MLLT10: variants seen among roughly 807,000 people sequenced by gnomAD.
The protein encoded by MLLT10 is protein AF-10.
In MLLT10, 30 loss-of-function variants were observed where a neutral mutation model predicts 129.1. The ratio of observed to expected loss-of-function variants is 0.23; its 90% CI spans 0.17 to 0.32. The LOEUF is 0.32. MLLT10 is among the 10% of genes least tolerant of loss of function. The probability of loss-of-function intolerance (pLI) is 1.00; values close to 1 mark genes in which losing one functional copy is unlikely to be tolerated. For synonymous variants in MLLT10, 490 were observed against 446.4 expected, an observed-to-expected ratio of 1.10 and a Z score of -1.23; for missense variants, 1,119 against 1,268.3, an observed-to-expected ratio of 0.88 and a Z score of 1.79.
intron 13 of MLLT10, among the ~76,000 whole-genome samples, chr10:21,709,446 G>A (rs2055860925): frequency 6.6e-6 from 1 of 152,136 alleles, no homozygotes; most frequent in South Asian, 2.1e-4. Context: ...GGCCAGGCTG[G>A]TCTCAAACTC....
chr10:21,638,021 C>G (rs1273087799), intron 8 of MLLT10, among the ~76,000 whole-genome samples: 1 of 151,936 alleles, frequency 6.6e-6, no homozygotes, highest in African/African-American at 2.4e-5. Context: ...GAATCCTATG[C>G]TGTTTCTGTT....
At chr10:21,593,662 C>A (rs1193298435) in intron 4 of MLLT10, among the ~76,000 whole-genome samples, 1 of 151,822 alleles carries the variant, frequency 6.6e-6, no homozygotes, top group East Asian at 1.9e-4. Context: ...TGTGGTAGCT[C>A]ATGTCTGTAT....
chr10:21,589,717 C>G (rs1416101291), intron 4 of MLLT10, among the ~76,000 whole-genome samples: 3 of 151,932 alleles, frequency 2.0e-5, no homozygotes, highest in Non-Finnish European at 4.4e-5. Flanking sequence ...GTGGTTTTGT[C>G]AGGTGTTTGT....
chr10:21,584,899 T>G (rs2041855964), intron 3 of MLLT10, among the ~76,000 whole-genome samples: 1 of 151,712 alleles, frequency 6.6e-6, no homozygotes, highest in Admixed American at 6.6e-5. Context: ...TATATATGTA[T>G]ATGTATATAT....
intron 5 of MLLT10, among the ~76,000 whole-genome samples, chr10:21,601,708 G>A (rs2043549444): frequency 6.6e-6 from 1 of 152,028 alleles, no homozygotes; most frequent in Admixed American, 6.6e-5. Context: ...AAAAATATTG[G>A]TAGAATTGGT....
At chr10:21,579,249 C>G (rs1185141398) in intron 3 of MLLT10, among the ~76,000 whole-genome samples, 1 of 152,130 alleles carries the variant, frequency 6.6e-6, no homozygotes, top group Non-Finnish European at 1.5e-5. Flanking sequence ...TCCCTCTGCC[C>G]TCTGTGTAAT....
Position 21,613,020 on chromosome 10 carries a change from C to T in MLLT10, c.509+569C>T, listed in dbSNP as rs140011637. 5.5e-3 allele frequency among the ~76,000 whole-genome samples: 842 copies of T among 151,916 alleles called. 5 individuals are homozygous for T. The highest frequency in any genetic ancestry group is 0.019 in the African/African-American group (785 of 41,436). On this transcript the variant is annotated intron_variant, in intron 6 of 22. Coordinates refer to ENST00000307729, the MANE Select transcript of MLLT10 (RefSeq NM_001195626.3). ...ACCAGCCTGGCCAACATGGCAAAAC[C>T]GTGTCTCTACTAAAAACACAAAAAT...
chr10:21,539,227 A>G (rs1437718610), intron 3 of MLLT10, among the ~76,000 whole-genome samples: 1 of 152,202 alleles, frequency 6.6e-6, no homozygotes, highest in African/African-American at 2.4e-5. Context: ...TAGTTAAAAT[A>G]TAATGGAAAT....
At chr10:21,615,470 A>AAAAAT (rs1564513112) in intron 7 of MLLT10, among the ~76,000 whole-genome samples, 1 of 133,742 alleles carries the variant, frequency 7.5e-6, no homozygotes, top group Non-Finnish European at 1.8e-5. Flanking sequence ...AAAAAAAAAA[A>AAAAAT]AAAAGAAAAA....
intron 3 of MLLT10, among the ~76,000 whole-genome samples, chr10:21,540,680 T>C (rs1306569585): frequency 2.0e-5 from 3 of 152,242 alleles, no homozygotes; most frequent in Non-Finnish European, 4.4e-5. Context: ...TGATAGTTCC[T>C]TTTTAAAATC....
At chr10:21,640,286 ATATATAT>A (rs1373381714) in intron 8 of MLLT10, among the ~76,000 whole-genome samples, 108 of 143,700 alleles carry the variant, frequency 7.5e-4, no homozygotes, top group Admixed American at 1.9e-3. Context: ...ATTATATATA[ATATATAT>A]TATATAATAT....
At chr10:21,712,451 T>C (rs1292382793) in intron 13 of MLLT10, among the ~76,000 whole-genome samples, 2 of 152,222 alleles carry the variant, frequency 1.3e-5, no homozygotes, top group African/African-American at 4.8e-5. Flanking sequence ...TGGAACAAAG[T>C]AAATTGTATG....
intron 7 of MLLT10, among the ~76,000 whole-genome samples, chr10:21,615,503 T>G (rs999589991): frequency 2.7e-5 from 4 of 150,886 alleles, no homozygotes; most frequent in African/African-American, 9.7e-5. Flanking sequence ...ATATAAATAT[T>G]GATAGTGAAT....
chr10:21,650,935 T>C (rs1412214580), intron 8 of MLLT10, among the ~76,000 whole-genome samples: 1 of 152,160 alleles, frequency 6.6e-6, no homozygotes, highest in Non-Finnish European at 1.5e-5. Flanking sequence ...TCTGGAGAAA[T>C]TCTCATGCAT....
chr10:21,556,574 C>A, intron 3 of MLLT10: 1 of 1,258,000 alleles, frequency 7.9e-7, no homozygotes, highest in Non-Finnish European at 1.1e-6. Flanking sequence ...TTGCAGTTTT[C>A]TAGGGCAGGT....
At chr10:21,563,203 T>C (rs909691990) in intron 3 of MLLT10, among the ~76,000 whole-genome samples, 2 of 152,224 alleles carry the variant, frequency 1.3e-5, no homozygotes, top group African/African-American at 4.8e-5. Flanking sequence ...ACCTCAAGGA[T>C]GTTATATAAA....
At chr10:21,693,151 T>C (rs2054036890) in intron 13 of MLLT10, among the ~76,000 whole-genome samples, 1 of 152,188 alleles carries the variant, frequency 6.6e-6, no homozygotes, top group South Asian at 2.1e-4. Flanking sequence ...TTTTATACTT[T>C]ATTTGAGCTT....
intron 9 of MLLT10, among the ~76,000 whole-genome samples, chr10:21,658,941 C>T (rs920398378): frequency 1.3e-5 from 2 of 152,088 alleles, no homozygotes. Context: ...GCTGGGATTA[C>T]AGGCATGAGC....
chr10:21,660,862 ACT>A (rs1269838194), intron 9 of MLLT10, among the ~76,000 whole-genome samples: 3 of 132,212 alleles, frequency 2.3e-5, no homozygotes, highest in Admixed American at 8.2e-5. Context: ...GACAATCAAA[ACT>A]CTGTCTCAAA....
Sources: allele counts gnomAD v4.1 joint callset (sites outside exome capture counted in the v4.1 genomes callset), GRCh38; gene constraint gnomAD v4.1.1; transcripts MANE v1.5; gene names NCBI Gene and HGNC (gene_info 2026-07-23, HGNC 2026-07-21).